ANKRD11: variants seen among roughly 807,000 people sequenced by gnomAD.
ANKRD11 encodes ankyrin repeat domain-containing protein 11.
Under a neutral mutation model 195.7 loss-of-function variants are expected in ANKRD11, and 17 were observed. That is an observed-to-expected ratio of 0.09 (90% CI 0.06 to 0.13). ANKRD11 has a LOEUF of 0.13. ANKRD11 is among the 10% of genes least tolerant of loss of function. The pLI is 1.00. For synonymous variants in ANKRD11, 1,953 were observed against 1,528.1 expected, an observed-to-expected ratio of 1.28 and a Z score of -6.49; for missense variants, 3,735 against 3,566.1, an observed-to-expected ratio of 1.05 and a Z score of -1.21.
chr16:89,280,715 T>A lies in ANKRD11; in HGVS notation c.5827A>T (p.Ile1943Phe). 1 of 1,612,976 alleles carries A rather than the reference T, an allele frequency of 6.2e-7. No homozygotes were observed. Among genetic ancestry groups the A allele is most frequent in the Non-Finnish European group, 8.5e-7 (1 of 1,179,582 alleles). Residue 1943 changes from isoleucine to phenylalanine, a missense_variant, in exon 9 of 13, where the codon ATC becomes TTC. Physicochemically the swap from Ile to Phe is conservative, Grantham distance 21. Transcript: ENST00000301030. The part of the protein sequence containing the change: ...PLDEGPFSAV[I>F]TEEPVEWAHP... ...GCCCACTCAACGGGCTCCTCGGTGA[T>A]GACGGCGCTGAAGGGACCCTCGTCC...
At chr16:89,456,694 TTA>T (rs1485171814) in intron 1 of ANKRD11, among the ~76,000 whole-genome samples, 1 of 151,770 alleles carries the variant, frequency 6.6e-6, no homozygotes, top group Non-Finnish European at 1.5e-5. Flanking sequence ...CAAAAACACG[TTA>T]TGTGAAAGAA....
intron 2 of ANKRD11, among the ~76,000 whole-genome samples, chr16:89,321,689 C>T (rs1001660607): frequency 6.6e-6 from 1 of 151,886 alleles, no homozygotes; most frequent in African/African-American, 2.4e-5. Flanking sequence ...CACAACTAAT[C>T]TTAAAACTCA....
chr16:89,275,762 C>A (rs2033602541), intron 9 of ANKRD11, among the ~76,000 whole-genome samples: 1 of 152,212 alleles, frequency 6.6e-6, no homozygotes. Context: ...CTCCCACCAG[C>A]AGAAGGGTTC....
chr16:89,309,636 C>A (rs905620953), intron 3 of ANKRD11, among the ~76,000 whole-genome samples: 2 of 152,238 alleles, frequency 1.3e-5, no homozygotes, highest in Non-Finnish European at 2.9e-5. Flanking sequence ...CGTGGCACAG[C>A]CACCAGGAAG....
chr16:89,453,819 A>G (rs1378481953), intron 1 of ANKRD11, among the ~76,000 whole-genome samples: 1 of 152,184 alleles, frequency 6.6e-6, no homozygotes, highest in Non-Finnish European at 1.5e-5. Flanking sequence ...CTGGAGACAG[A>G]ACTTGTGAAT....
chr16:89,462,781 C>T (rs2056732563), intron 1 of ANKRD11, among the ~76,000 whole-genome samples: 1 of 150,522 alleles, frequency 6.6e-6, no homozygotes, highest in Admixed American at 6.6e-5. Flanking sequence ...AGTGAGAAGA[C>T]CCTCTGCCCG....
At chr16:89,289,410 A>G (rs1225987090) in intron 6 of ANKRD11, among the ~76,000 whole-genome samples, 1 of 152,184 alleles carries the variant, frequency 6.6e-6, no homozygotes, top group Non-Finnish European at 1.5e-5. Context: ...GTGGACAGAC[A>G]GTCCTGGGAT....
chr16:89,406,497 T>C (rs944868669), intron 2 of ANKRD11, among the ~76,000 whole-genome samples: 1 of 152,084 alleles, frequency 6.6e-6, no homozygotes, highest in Non-Finnish European at 1.5e-5. Context: ...CAAGACAACA[T>C]GTTCGTTGGC....
intron 1 of ANKRD11, among the ~76,000 whole-genome samples, chr16:89,441,955 C>T (rs2043526129): frequency 6.6e-6 from 1 of 152,142 alleles, no homozygotes; most frequent in Non-Finnish European, 1.5e-5. Context: ...AGCCACCAGA[C>T]CTCCGTTCAA....
chr16:89,382,779 C>G (rs115965285), intron 2 of ANKRD11, among the ~76,000 whole-genome samples: 9 of 152,316 alleles, frequency 5.9e-5, no homozygotes, highest in African/African-American at 2.2e-4. Context: ...CTGTGTTCAG[C>G]TGAAATAAAC....
chr16:89,331,546 A>C (rs11076780), intron 2 of ANKRD11, among the ~76,000 whole-genome samples: 94,982 of 152,110 alleles, frequency 0.62, 29,904 homozygotes, highest in Middle Eastern at 0.72. Flanking sequence ...ACATTTAGGA[A>C]AGAGCCTTTT....
chr16:89,279,944 G>A lies in ANKRD11; in HGVS notation c.6598C>T (p.Pro2200Ser), dbSNP rs772878608. 3 of 1,610,016 alleles carry A rather than the reference G, an allele frequency of 1.9e-6. No individual in the cohort carries two copies. Among genetic ancestry groups the A allele is most frequent in the Non-Finnish European group, 2.5e-6 (3 of 1,179,838 alleles). ...GAGGGCTCAGGCTCGAGCTCTGCAG[G>A]GAGCCGGGTGGAGGCCTGGTCAGGA... ...LPPDQASTRL[P>S]AELEPEPSGE... Residue 2200 changes from proline to serine, a missense_variant, in exon 9 of 13, where the codon CCT becomes TCT. Physicochemically the swap from Pro to Ser is moderately conservative, Grantham distance 74. Coordinates refer to ENST00000301030, the MANE Select transcript of ANKRD11 (RefSeq NM_013275.6). The surrounding 1 kb of genome is among the most constrained non-coding windows in gnomAD (Gnocchi z 5.6).
At chr16:89,447,571 T>G (rs549572224) in intron 1 of ANKRD11, among the ~76,000 whole-genome samples, 33 of 152,226 alleles carry the variant, frequency 2.2e-4, no homozygotes, top group Admixed American at 1.0e-3. Flanking sequence ...TCCACAATCC[T>G]ACAACAATGC....
intron 2 of ANKRD11, among the ~76,000 whole-genome samples, chr16:89,346,869 A>C (rs1201584410): frequency 3.3e-5 from 5 of 152,252 alleles, no homozygotes; most frequent in Non-Finnish European, 7.3e-5. Context: ...CAAAAAGCAA[A>C]CATGTAACAG....
At chr16:89,401,329 G>A (rs951221734) in intron 2 of ANKRD11, among the ~76,000 whole-genome samples, 6 of 151,984 alleles carry the variant, frequency 3.9e-5, no homozygotes, top group African/African-American at 1.5e-4. Context: ...CACCCACCTT[G>A]GCCTCCCAAA....
chr16:89,369,597 G>C (rs909644786), intron 2 of ANKRD11, among the ~76,000 whole-genome samples: 2 of 152,252 alleles, frequency 1.3e-5, no homozygotes, highest in African/African-American at 4.8e-5. Flanking sequence ...AGGGTGGAAA[G>C]AGGATCCTGG....
intron 2 of ANKRD11, among the ~76,000 whole-genome samples, chr16:89,410,846 T>C (rs1374185772): frequency 6.6e-6 from 1 of 152,208 alleles, no homozygotes; most frequent in African/African-American, 2.4e-5. Flanking sequence ...TGGCCAACTG[T>C]GGCCAGGGCA....
At chr16:89,353,771 C>T (rs1263056653) in intron 2 of ANKRD11, among the ~76,000 whole-genome samples, 3 of 152,202 alleles carry the variant, frequency 2.0e-5, no homozygotes, top group African/African-American at 7.2e-5. Flanking sequence ...TGAGCCACTA[C>T]GCCCGAACTG....
intron 1 of ANKRD11, 61 bp from the exon 2 acceptor site, chr16:89,418,429 C>T (rs2042386671): frequency 2.4e-6 from 1 of 413,078 alleles, no homozygotes; most frequent in East Asian, 7.4e-5. Flanking sequence ...GTTCTTTCAT[C>T]GCTCTCGTCT....
Sources: allele counts gnomAD v4.1 joint callset (sites outside exome capture counted in the v4.1 genomes callset), GRCh38; gene constraint gnomAD v4.1.1; non-coding constraint Gnocchi (gnomAD v3.1); transcripts MANE v1.5; gene names NCBI Gene and HGNC (gene_info 2026-07-23, HGNC 2026-07-21).